PARP10: variants seen among roughly 807,000 people sequenced by gnomAD.
PARP10 encodes the protein protein mono-ADP-ribosyltransferase PARP10.
A neutral mutation model predicts 82.4 loss-of-function variants in PARP10; 56 were observed. The ratio of observed to expected loss-of-function variants is 0.68; its 90% CI spans 0.55 to 0.85. The LOEUF (loss-of-function observed/expected upper bound fraction) is 0.85, where lower values mean the gene tolerates loss of function less well. Ranked by LOEUF, PARP10 falls within the 40% of genes least tolerant of loss-of-function variation. The pLI is 0.00. For synonymous variants in PARP10, 576 were observed against 601.1 expected (o/e 0.96, Z 0.61); for missense variants, 1,227 against 1,379.4 (o/e 0.89, Z 1.75).
chr8:143,981,546 A>ATGG (rs1833862103), intron 9 of PARP10, among the ~76,000 whole-genome samples: 1 of 79,952 alleles, frequency 1.3e-5, no homozygotes, highest in Non-Finnish European at 2.3e-5. Flanking sequence ...GGTGAAGGTG[A>ATGG]TGGTGATGAT....
exon 1 of PARP10, chr8:144,012,669 G>A (rs868947855): frequency 1.1e-5 from 17 of 1,551,578 alleles, no homozygotes; most frequent in African/African-American, 8.2e-5. Context: ...CGGCATCAGC[G>A]GGTTCACGAG....
chr8:143,991,718 G>C (rs782748192), upstream of PARP10: 1 of 1,613,636 alleles, frequency 6.2e-7, no homozygotes, highest in Admixed American at 1.7e-5. Context: ...CTACCAGGAG[G>C]AGGGTCCCCC....
intron 1 of PARP10, among the ~76,000 whole-genome samples, chr8:144,005,930 G>A (rs1203139283): frequency 6.6e-6 from 1 of 152,068 alleles, no homozygotes; most frequent in African/African-American, 2.4e-5. Context: ...TCTTCCAAGT[G>A]CCCACTGTCC....
At position 144,012,558 on chromosome 8, in the gene PARP10, G is replaced by T; in HGVS notation, c.-108C>A. ...TTATGAAGGGCTTCGGCATCAGATA[G>T]AGAGGCTGGTGCGGGAAAATGAGGA... On this transcript the variant is annotated 5_prime_UTR_variant, in exon 1 of 4. Transcript: ENST00000530478. 1.9e-6 allele frequency: 3 copies of T among 1,551,772 alleles called. No homozygotes were observed. In the East Asian group the frequency reaches 7.3e-5, roughly 38 times the overall value.
intron 1 of PARP10, among the ~76,000 whole-genome samples, chr8:144,005,629 C>T (rs995566581): frequency 8.5e-5 from 13 of 152,120 alleles, no homozygotes; most frequent in African/African-American, 2.7e-4. Context: ...TTCTCTGGCC[C>T]GGCCGTCCCC....
chr8:144,008,872 A>C lies in PARP10; in HGVS notation c.-80+3658T>G, dbSNP rs1834252254. 6.6e-6 allele frequency among the ~76,000 whole-genome samples: 1 copy of C among 152,248 alleles called. No homozygotes were observed. The highest frequency in any genetic ancestry group is 1.5e-5 in the Non-Finnish European group (1 of 68,048). ...TATATAAAACATAACAAAAAGAAAA[A>C]GAAAATGCGAATGAAGAGGAAATAA... is the stretch of plus-strand genomic sequence containing the variant. On this transcript the variant is annotated intron_variant, in intron 1 of 3. Transcript: ENST00000530478. This position sits in a 1 kb window ranked among gnomAD's most constrained non-coding sequence, Gnocchi z 4.0.
chr8:143,990,902 T>C (rs1834081493), upstream of PARP10: 5 of 183,364 alleles, frequency 2.7e-5, no homozygotes, highest in Admixed American at 1.9e-4. The surrounding 1 kb of genome is among the most constrained non-coding windows in gnomAD (Gnocchi z 5.6). Flanking sequence ...AGGCCTCCGG[T>C]TGCTTGTGAG....
At chr8:143,993,679 C>T (rs574585070), upstream of PARP10, among the ~76,000 whole-genome samples, 7 of 152,294 alleles carry the variant, frequency 4.6e-5, no homozygotes, top group South Asian at 1.4e-3. Flanking sequence ...CCAGGTGCTC[C>T]GTGGAGATGG....
upstream of PARP10, among the ~76,000 whole-genome samples, chr8:143,996,074 T>A (rs1040388883): frequency 1.3e-5 from 2 of 152,044 alleles, no homozygotes; most frequent in Non-Finnish European, 2.9e-5. Flanking sequence ...AGCCAAATCC[T>A]GTAAGAAGTC....
In PARP10 at chr8:143,983,313, C is replaced by G. The variant is rs1554748181; in HGVS notation, c.2276G>C (p.Gly759Ala). Residue 759 changes from glycine (G) to alanine (A), a missense_variant, in exon 8 of 11, where the codon GGT becomes GCT. Coordinates refer to ENST00000313028, the MANE Select transcript of PARP10 (RefSeq NM_032789.5). The stretch of plus-strand genomic sequence containing the variant: ...GTCACCACGCAGGGCAACACTCACA[C>G]CATGGCACCGCTCCAGGCGAGCACG... ...ELRARLERCH[G>A]VSVALRGDCT... 1 of 1,612,336 alleles carries G rather than the reference C, an allele frequency of 6.2e-7. No individual in the cohort carries two copies. Among genetic ancestry groups the G allele is most frequent in the Non-Finnish European group, 8.5e-7 (1 of 1,179,680 alleles).
intron 1 of PARP10, among the ~76,000 whole-genome samples, chr8:144,006,480 G>A (rs1370969373): frequency 6.6e-6 from 1 of 152,260 alleles, no homozygotes; most frequent in Admixed American, 6.5e-5. Context: ...CTGATGAGGA[G>A]TGATGAAGAC....
At chr8:143,995,108 C>T (rs970047256), upstream of PARP10, among the ~76,000 whole-genome samples, 2 of 152,024 alleles carry the variant, frequency 1.3e-5, no homozygotes, top group African/African-American at 2.4e-5. Flanking sequence ...TGGGACAGGG[C>T]CAGGGGGTGG....
intron 9 of PARP10, among the ~76,000 whole-genome samples, chr8:143,981,386 GTGA>G (rs1290327331): frequency 0.01 from 880 of 85,714 alleles, 17 homozygotes; most frequent in African/African-American, 0.016. Flanking sequence ...AGTGGTGAAG[GTGA>G]TGGTGATGAT....
upstream of PARP10, chr8:143,991,318 A>C: frequency 7.2e-7 from 1 of 1,383,448 alleles, no homozygotes; most frequent in Non-Finnish European, 9.8e-7. Flanking sequence ...ATGCCCCCCT[A>C]TGCTCAGCCT....
intron 1 of PARP10, among the ~76,000 whole-genome samples, chr8:144,009,073 C>G (rs957622465): frequency 6.6e-6 from 1 of 152,086 alleles, no homozygotes; most frequent in Non-Finnish European, 1.5e-5. Context: ...TTCCCTGGCA[C>G]CAGGCTACAA....
upstream of PARP10, among the ~76,000 whole-genome samples, chr8:143,989,356 C>T (rs946625870): frequency 9.2e-5 from 14 of 152,328 alleles, no homozygotes; most frequent in Admixed American, 3.3e-4. This position sits in a 1 kb window ranked among gnomAD's most constrained non-coding sequence, Gnocchi z 4.3. Context: ...GACAAGCGAG[C>T]GTTCAGGGTC....
Position 143,984,916 on chromosome 8 carries a change from C to T in PARP10, c.1086G>A (p.Leu362=). ...GCAACCCCACAGGCCTCAGGCTTAC[C>T]AGCCCCTCATGTTCCAGAGACCCCA... is the stretch of plus-strand genomic sequence containing the variant. ...MPMGSLEHEG[L]VSLRPVGLQE... The change falls in exon 5 of 11, where the codon CTG becomes CTA. Residue 362 remains leucine (L), a synonymous_variant. Transcript: ENST00000313028. 5 of 1,614,012 alleles carry T rather than the reference C, an allele frequency of 3.1e-6. No homozygotes were observed. Among genetic ancestry groups the T allele is most frequent in the Non-Finnish European group, 4.2e-6 (5 of 1,180,014 alleles).
intron 1 of PARP10, among the ~76,000 whole-genome samples, chr8:144,003,583 T>C (rs1358540502): frequency 1.3e-5 from 2 of 152,130 alleles, no homozygotes; most frequent in Non-Finnish European, 2.9e-5. Context: ...TAGAGGCACA[T>C]TTCAGGCCAC....
At chr8:143,993,932 C>T (rs1251128992), upstream of PARP10, among the ~76,000 whole-genome samples, 2 of 152,208 alleles carry the variant, frequency 1.3e-5, no homozygotes, top group African/African-American at 2.4e-5. Context: ...CCATTTGGGC[C>T]CCTTGGCCTG....
Sources: allele counts gnomAD v4.1 joint callset (sites outside exome capture counted in the v4.1 genomes callset), GRCh38; gene constraint gnomAD v4.1.1; non-coding constraint Gnocchi (gnomAD v3.1); transcripts MANE v1.5; gene names NCBI Gene and HGNC (gene_info 2026-07-23, HGNC 2026-07-21).